Variants in KNTC1 observed in about 807,000 individuals in gnomAD.
The protein encoded by KNTC1 is kinetochore-associated protein 1.
KNTC1 carries 253 observed loss-of-function variants against 314.4 expected under a neutral mutation model. The ratio of observed to expected loss-of-function variants is 0.80; its 90% CI spans 0.73 to 0.89. The LOEUF (loss-of-function observed/expected upper bound fraction) is 0.89, where lower values mean the gene tolerates loss of function less well. KNTC1 is among the 40% of genes least tolerant of loss of function. KNTC1 has a pLI of 0.00. For missense variants in KNTC1, 2,475 were observed against 2,572.9 expected (o/e 0.96, Z 0.82); for synonymous variants, 901 against 901.4 (o/e 1.00, Z 0.01).
At chr12:122,555,300 C>T (rs1268196049) in intron 16 of KNTC1, among the ~76,000 whole-genome samples, 1 of 152,108 alleles carries the variant, frequency 6.6e-6, no homozygotes, top group African/African-American at 2.4e-5. Flanking sequence ...CCTTTGTAAT[C>T]CCACACTTTG....
chr12:122,582,272 G>T (rs1868518188), intron 33 of KNTC1, among the ~76,000 whole-genome samples: 1 of 152,212 alleles, frequency 6.6e-6, no homozygotes, highest in Admixed American at 6.5e-5. Flanking sequence ...ACAAAAATTA[G>T]CTGGGCGTGG....
At chr12:122,591,879 C>A (rs139213889) in intron 42 of KNTC1, among the ~76,000 whole-genome samples, 2 of 152,230 alleles carry the variant, frequency 1.3e-5, no homozygotes, top group Admixed American at 1.3e-4. Context: ...TCACAGCCCT[C>A]GCTCGCTCTC....
At chr12:122,611,012 G>A (rs997816292) in intron 53 of KNTC1, 112 bp downstream of exon 53, 9 of 743,300 alleles carry the variant, frequency 1.2e-5, no homozygotes, top group African/African-American at 1.7e-5. Flanking sequence ...TAATGCTCAC[G>A]TACATATGTA....
At chr12:122,605,232 C>T (rs1233434639) in intron 50 of KNTC1, 74 bp from the exon 51 acceptor site, 4 of 1,081,514 alleles carry the variant, frequency 3.7e-6, no homozygotes, top group African/African-American at 3.2e-5. Context: ...TGCATATATA[C>T]ACATACACAT....
rs533847982 is a variant in KNTC1 at position 122,536,732 on chromosome 12, G to A, written c.251-1607G>A. Among the ~76,000 whole-genome samples, 31 of 152,110 alleles carry A rather than the reference G, an allele frequency of 2.0e-4. No individual in the cohort carries two copies. In the East Asian group the frequency reaches 6.0e-3, roughly 29 times the overall value. Reference sequence around the variant, plus strand: ...CAGGTTTCACCATGTTGGCCAGGCTGCTCTCAAATTCCTGACCTCAAATGA... The same window carrying A: ...CAGGTTTCACCATGTTGGCCAGGCTACTCTCAAATTCCTGACCTCAAATGA... On this transcript the variant is annotated intron_variant, in intron 3 of 63. Transcript: ENST00000333479.
intron 5 of KNTC1, 30 bp downstream of exon 5, chr12:122,539,784 A>ATT: frequency 7.9e-7 from 1 of 1,259,912 alleles, no homozygotes; most frequent in East Asian, 2.8e-5. Context: ...TTTTTGAATG[A>ATT]CTTTTTTTTT....
chr12:122,554,779 G>A (rs1963464255), intron 16 of KNTC1, among the ~76,000 whole-genome samples: 1 of 152,176 alleles, frequency 6.6e-6, no homozygotes, highest in Admixed American at 6.5e-5. Context: ...CCCTGTCAAA[G>A]TTGGTATTGT....
In KNTC1 at chr12:122,557,349, T is replaced by G. The variant is rs769550610; in HGVS notation, c.1273-35T>G. On this transcript the variant is annotated intron_variant, in intron 16 of 63. Transcript: ENST00000333479. ...AAGCCATCCACAGGTATTATTGTACTTCAAATTGCTTGATGTGGCGTGTTT... is the reference window on the plus strand; with the variant it reads ...AAGCCATCCACAGGTATTATTGTACGTCAAATTGCTTGATGTGGCGTGTTT... The G allele has an allele frequency of 5.7e-6, 9 of 1,592,638 alleles. No individual in the cohort carries two copies. The South Asian group carries it at 8.0e-5, about 14-fold the overall frequency.
At chr12:122,573,307 G>A (rs1376992021) in intron 26 of KNTC1, 22 bp downstream of exon 26, 3 of 1,604,692 alleles carry the variant, frequency 1.9e-6, no homozygotes, top group Non-Finnish European at 2.6e-6. Context: ...TTTACATCTA[G>A]TCTTATTTCT....
chr12:122,578,957 C>CT (rs1255384095), intron 31 of KNTC1, among the ~76,000 whole-genome samples: 3 of 146,900 alleles, frequency 2.0e-5, no homozygotes, highest in Non-Finnish European at 4.5e-5. Context: ...AAGTAAATGA[C>CT]TTTTTTCCAA....
chr12:122,576,863 T>C, intron 29 of KNTC1, 32 bp from the exon 30 acceptor site: 1 of 1,507,112 alleles, frequency 6.6e-7, no homozygotes, highest in South Asian at 1.3e-5. Flanking sequence ...GTGAGTTCTA[T>C]AACAAAGAAA....
chr12:122,580,284 T>C (rs944320647), intron 32 of KNTC1, among the ~76,000 whole-genome samples: 2 of 152,158 alleles, frequency 1.3e-5, no homozygotes, highest in Non-Finnish European at 2.9e-5. Flanking sequence ...CTTATGATGG[T>C]GGGGAGAAGC....
rs570158289 is a variant in KNTC1, at chr12:122,546,007, A to G, written c.670-169A>G. 1.1e-4 allele frequency among the ~76,000 whole-genome samples: 16 copies of G among 151,956 alleles called. No individual in the cohort carries two copies. The South Asian group carries it at 1.5e-3, about 14-fold the overall frequency. On this transcript the variant is annotated intron_variant, in intron 8 of 63. Transcript: ENST00000333479. ...ATTCCAATAGTACACTGTTTTTTTC[A>G]TTCTCTTCAGAAACCAAGAGAGGAA...
rs775314775 is a variant in KNTC1 at position 122,586,747 on chromosome 12, C to T, written c.3720C>T (p.Ser1240=). The change falls in exon 38 of 64, where the codon TCC becomes TCT. Residue 1240 remains serine (S), a synonymous_variant. Coordinates refer to ENST00000333479, the MANE Select transcript of KNTC1 (RefSeq NM_014708.6). ...AGTCTACCAGTTTGCCATACTGCTCCCTTAATGAAGGTATTTGGCACAAGA... is the reference window on the plus strand; with the variant it reads ...AGTCTACCAGTTTGCCATACTGCTCTCTTAATGAAGGTATTTGGCACAAGA... ...PLESTSLPYC[S]LNEGDGLVLP... 138 of 1,442,508 alleles carry T rather than the reference C, an allele frequency of 9.6e-5. 1 individual carries two copies. Among genetic ancestry groups the T allele is most frequent in the South Asian group, 5.3e-4 (35 of 66,388 alleles). 89.4% of individuals were successfully genotyped at this position (1,442,508 alleles called of 1,614,324 possible).
rs746612190 is a variant in KNTC1 at position 122,615,004 on chromosome 12, T to C, written c.5891T>C (p.Val1964Ala). 1 of 1,613,048 alleles carries C rather than the reference T, an allele frequency of 6.2e-7. No individual in the cohort carries two copies. Among genetic ancestry groups the C allele is most frequent in the East Asian group, 2.2e-5 (1 of 44,860 alleles). The change falls in exon 56 of 64, where the codon GTG (valine) becomes GCG (alanine). Residue 1964 changes from valine to alanine, a missense_variant. Transcript: ENST00000333479. Reference protein sequence around the residue: ...HSHESMAVRLVTELCLEYKIY... With the variant: ...HSHESMAVRLATELCLEYKIY... ...TTTTGGCTTCAGGCAGTAAGATTGGTGACTGAGCTGTGTTTAGAATACAAA... is the reference window on the plus strand; with the variant it reads ...TTTTGGCTTCAGGCAGTAAGATTGGCGACTGAGCTGTGTTTAGAATACAAA...
Position 122,601,638 on chromosome 12 carries a change from T to C in KNTC1, c.4653+13T>C. The C allele has an allele frequency of 6.8e-7, 1 of 1,470,916 alleles. No homozygotes were observed. The highest frequency in any genetic ancestry group is 9.0e-7 in the Non-Finnish European group (1 of 1,111,902). 91.1% of individuals were successfully genotyped at this position (1,470,916 alleles called of 1,614,324 possible). ...TAATATTAATCAGGTATAACAAATA[T>C]ATCAAAGATGTAAAAATCATCTTTC... is the stretch of plus-strand genomic sequence containing the variant. On this transcript the variant is annotated intron_variant, in intron 45 of 63. Transcript: ENST00000333479.
At chr12:122,561,892 T>C in intron 18 of KNTC1, 29 bp from the exon 19 acceptor site, 2 of 1,501,652 alleles carry the variant, frequency 1.3e-6, no homozygotes, top group Non-Finnish European at 1.8e-6. Flanking sequence ...GATATTCTTC[T>C]AACTGTATTT....
chr12:122,597,697 T>C (rs1871251249), intron 43 of KNTC1, 34 bp from the exon 44 acceptor site: 7 of 1,572,248 alleles, frequency 4.5e-6, no homozygotes, highest in Non-Finnish European at 6.1e-6. Flanking sequence ...GCCTGCAGTT[T>C]GGGAGACTGG....
At chr12:122,566,202 A>G (rs1015482471) in intron 20 of KNTC1, among the ~76,000 whole-genome samples, 1 of 151,116 alleles carries the variant, frequency 6.6e-6, no homozygotes, top group Non-Finnish European at 1.5e-5. Context: ...CAGCCTCCCA[A>G]AGTGCTGGGA....
Sources: allele counts gnomAD v4.1 joint callset (sites outside exome capture counted in the v4.1 genomes callset), GRCh38; gene constraint gnomAD v4.1.1; transcripts MANE v1.5; gene names NCBI Gene and HGNC (gene_info 2026-07-23, HGNC 2026-07-21).